Variants in SHROOM4 observed in about 807,000 individuals in gnomAD.
SHROOM4 encodes protein Shroom4.
A neutral mutation model predicts 80.3 loss-of-function variants in SHROOM4; 17 were observed. The ratio of observed to expected loss-of-function variants is 0.21; its 90% CI spans 0.14 to 0.32. The LOEUF is 0.32. Among genes scored for constraint, SHROOM4 ranks in the 10% least tolerant of loss-of-function variants. The probability of loss-of-function intolerance (pLI) is 1.00; values close to 1 mark genes in which losing one functional copy is unlikely to be tolerated. For synonymous variants in SHROOM4, 400 were observed against 437.5 expected (o/e 0.91, Z 1.07); for missense variants, 993 against 1,140.3 (o/e 0.87, Z 1.86).
intron 2 of SHROOM4, among the ~76,000 whole-genome samples, chrX:50,694,603 T>C (rs781978629): frequency 4.1e-5 from 4 of 96,787 alleles, no homozygotes; most frequent in African/African-American, 1.5e-4. Flanking sequence ...ATTTTTGGTA[T>C]TGAGTTTCAT....
At chrX:50,725,206 A>C (rs1025590231) in intron 1 of SHROOM4, among the ~76,000 whole-genome samples, 14 of 112,207 alleles carry the variant, frequency 1.2e-4, no homozygotes, top group Non-Finnish European at 7.5e-5. Flanking sequence ...TCACCCCAGA[A>C]GGGGAAATCC....
intron 1 of SHROOM4, among the ~76,000 whole-genome samples, chrX:50,739,424 T>C (rs1382938056): frequency 5.4e-5 from 6 of 111,114 alleles, no homozygotes; most frequent in Non-Finnish European, 9.5e-5. Flanking sequence ...ATTTTTGCAA[T>C]CTACTCATCT....
chrX:50,617,504 A>C (rs1261762919), intron 5 of SHROOM4, among the ~76,000 whole-genome samples: 2 of 111,475 alleles, frequency 1.8e-5, no homozygotes, highest in Non-Finnish European at 3.8e-5. Context: ...TTTCCTATCT[A>C]CTAAAAAGGG....
At chrX:50,753,577 T>C (rs1389561104) in intron 1 of SHROOM4, among the ~76,000 whole-genome samples, 6 of 111,533 alleles carry the variant, frequency 5.4e-5, no homozygotes, top group South Asian at 3.8e-4. Flanking sequence ...CTGGTGTAAA[T>C]TGACACACAC....
intron 1 of SHROOM4, among the ~76,000 whole-genome samples, chrX:50,775,829 G>T (rs2066475029): frequency 8.9e-6 from 1 of 112,484 alleles, no homozygotes; most frequent in African/African-American, 3.2e-5. Context: ...GAGAAGCAGT[G>T]GAAGGTGTGG....
At chrX:50,694,383 T>A (rs1933307552) in intron 2 of SHROOM4, among the ~76,000 whole-genome samples, 1 of 108,812 alleles carries the variant, frequency 9.2e-6, no homozygotes, top group African/African-American at 3.4e-5. Flanking sequence ...TTTTTTTTTT[T>A]AATAAAAACC....
At chrX:50,642,100 A>G (rs1179824785) in intron 2 of SHROOM4, among the ~76,000 whole-genome samples, 1 of 112,307 alleles carries the variant, frequency 8.9e-6, no homozygotes, top group Non-Finnish European at 1.9e-5. Context: ...TAAACTATCT[A>G]TATGGTCTAC....
chrX:50,679,574 C>A (rs1392487679), intron 2 of SHROOM4, among the ~76,000 whole-genome samples: 1 of 111,237 alleles, frequency 9.0e-6, no homozygotes. Context: ...TTTATAGATA[C>A]ATAATAATTG....
At chrX:50,610,232 T>C (rs1453200532) in intron 5 of SHROOM4, among the ~76,000 whole-genome samples, 2 of 111,138 alleles carry the variant, frequency 1.8e-5, no homozygotes, top group Non-Finnish European at 3.8e-5. Flanking sequence ...CAGAAATTCA[T>C]ATCCAGACAT....
At chrX:50,647,559 T>C (rs1354086594) in intron 2 of SHROOM4, among the ~76,000 whole-genome samples, 1 of 111,803 alleles carries the variant, frequency 8.9e-6, no homozygotes, top group African/African-American at 3.3e-5. Context: ...CTGGTTTCTA[T>C]CAGTAACATT....
At chrX:50,801,531 C>G in intron 1 of SHROOM4, among the ~76,000 whole-genome samples, 1 of 111,536 alleles carries the variant, frequency 9.0e-6, no homozygotes, top group East Asian at 2.8e-4. Context: ...AACCTGAACC[C>G]TAATGCAGCT....
Position 50,814,165 on chromosome X carries a change from G to C in SHROOM4, c.-147C>G. On this transcript the variant is annotated 5_prime_UTR_variant, in exon 1 of 9. Coordinates refer to ENST00000376020, the MANE Select transcript of SHROOM4 (RefSeq NM_020717.5). The stretch of plus-strand genomic sequence containing the variant: ...CTACTCTCCCGGCTGGAGACGCTCA[G>C]GCAGCGAGCGAGCGCAAGGAGGAAA... The C allele has an allele frequency of 2.1e-6, 1 of 474,800 alleles. No homozygotes were observed. 39.1% of individuals were successfully genotyped at this position (474,800 alleles called of 1,213,427 possible).
chrX:50,699,908 A>T (rs1378609679), intron 1 of SHROOM4, among the ~76,000 whole-genome samples: 1 of 112,562 alleles, frequency 8.9e-6, no homozygotes, highest in East Asian at 2.8e-4. Flanking sequence ...AAGAATTATT[A>T]AATCAGGTTT....
intron 6 of SHROOM4, among the ~76,000 whole-genome samples, chrX:50,603,656 C>G (rs1261060833): frequency 1.8e-5 from 2 of 111,663 alleles, no homozygotes; most frequent in African/African-American, 6.5e-5. Flanking sequence ...AGCAACAGAC[C>G]CTGTTGTCTT....
At chrX:50,796,517 GT>G (rs1557272127) in intron 1 of SHROOM4, among the ~76,000 whole-genome samples, 4 of 111,497 alleles carry the variant, frequency 3.6e-5, no homozygotes, top group Non-Finnish European at 7.5e-5. Context: ...GGTCTAGAAT[GT>G]CGGAGGTGGA....
At chrX:50,799,403 C>A (rs1936075236) in intron 1 of SHROOM4, among the ~76,000 whole-genome samples, 1 of 111,776 alleles carries the variant, frequency 8.9e-6, no homozygotes, top group South Asian at 3.9e-4. Flanking sequence ...AGTACTACTA[C>A]TGTGAATTTC....
chrX:50,635,370 C>T lies in SHROOM4; in HGVS notation c.703G>A (p.Glu235Lys). The change falls in exon 4 of 9, where the codon GAG becomes AAG. Residue 235 changes from glutamate (E) to lysine (K), a missense_variant. Transcript: ENST00000376020. ...KAPSGRPNVA[E>K]TSGGSRRTNG... ...GTGCGCCGACTACCTCCTGAGGTCT[C>T]AGCCACATTAGGCCGGCCACTGGGG... 1 of 1,205,432 alleles carries T rather than the reference C, an allele frequency of 8.3e-7. No homozygotes were observed. Among genetic ancestry groups the T allele is most frequent in the Non-Finnish European group, 1.1e-6 (1 of 892,271 alleles).
At position 50,598,289 on chromosome X, in the gene SHROOM4, C is replaced by T. The variant is rs1557247023; in HGVS notation, c.4189G>A (p.Asp1397Asn). The T allele has an allele frequency of 4.1e-6, 5 of 1,211,490 alleles. No individual in the cohort carries two copies. Among genetic ancestry groups the T allele is most frequent in the South Asian group, 3.5e-5 (2 of 56,951 alleles). Residue 1397 changes from aspartate (D) to asparagine (N), a missense_variant, in exon 8 of 9, where the codon GAT (aspartate) becomes AAT (asparagine). By Grantham distance (23) the Asp-to-Asn change is conservative. Transcript: ENST00000376020. ...ACCTTCTCCTGGTTGGCCTCTGAAT[C>T]GATGCTGTTCAGAGCATTCTCCACC... ...ARVENALNSI[D>N]SEANQEKLVL...
the SHROOM4 span, among the ~76,000 whole-genome samples, chrX:50,580,971 C>A: frequency 8.9e-6 from 1 of 112,050 alleles, no homozygotes; most frequent in Admixed American, 9.5e-5. Flanking sequence ...GCTAAAGTCT[C>A]CTGAGTGAGG....
Sources: allele counts gnomAD v4.1 joint callset (sites outside exome capture counted in the v4.1 genomes callset), GRCh38; gene constraint gnomAD v4.1.1; transcripts MANE v1.5; gene names NCBI Gene and HGNC (gene_info 2026-07-23, HGNC 2026-07-21).